Variants in HTR6 observed in about 807,000 individuals in gnomAD.
HTR6 encodes 5-hydroxytryptamine (serotonin) receptor 6, G protein-coupled.
Under a neutral mutation model 17.4 loss-of-function variants are expected in HTR6, and 15 were observed. The ratio of observed to expected loss-of-function variants is 0.86; its 90% CI spans 0.58 to 1.33. The LOEUF is 1.33. HTR6 is among the 40% of genes most tolerant of loss of function. The probability of loss-of-function intolerance (pLI) is 0.00; values close to 1 mark genes in which losing one functional copy is unlikely to be tolerated. For missense variants in HTR6, 578 were observed against 616.0 expected (o/e 0.94, Z 0.65); for synonymous variants, 326 against 295.5 (o/e 1.10, Z -1.06).
In HTR6 at chr1:19,666,111, A is replaced by C. The variant is rs768517982; in HGVS notation, c.358A>C (p.Ile120Leu). The change falls in exon 1 of 3, where the codon ATC becomes CTC. Residue 120 changes from isoleucine to leucine, a missense_variant. By Grantham distance (5) the Ile-to-Leu change is conservative. Coordinates refer to ENST00000289753, the MANE Select transcript of HTR6 (RefSeq NM_000871.3). The surrounding 1 kb of genome is among the most constrained non-coding windows in gnomAD (Gnocchi z 4.5). Reference protein sequence around the residue: ...CSASILNLCLISLDRYLLILS... With the variant: ...CSASILNLCLLSLDRYLLILS... ...CGCCTCCATCCTCAACCTCTGCCTC[A>C]TCAGCCTGGACCGCTACCTGCTCAT... is the stretch of plus-strand genomic sequence containing the variant. The C allele has an allele frequency of 1.2e-6, 2 of 1,612,402 alleles. No individual in the cohort carries two copies. Among genetic ancestry groups the C allele is most frequent in the African/African-American group, 2.7e-5 (2 of 74,918 alleles).
intron 1 of HTR6, among the ~76,000 whole-genome samples, chr1:19,676,965 G>A (rs987666527): frequency 1.3e-5 from 2 of 152,154 alleles, no homozygotes. Flanking sequence ...CACTGCCCAC[G>A]GGCATTAAAT....
In HTR6 at chr1:19,666,017, G is replaced by T. The variant is rs111648246; in HGVS notation, c.264G>T (p.Leu88=). 1.2e-6 allele frequency: 2 copies of T among 1,613,736 alleles called. No individual in the cohort carries two copies. Among genetic ancestry groups the T allele is most frequent in the Non-Finnish European group, 1.7e-6 (2 of 1,179,912 alleles). The part of the protein sequence containing the change: ...VVMPPAMLNA[L]YGRWVLARGL... ...TGCCGCCGGCCATGCTGAACGCGCT[G>T]TACGGGCGCTGGGTGCTGGCGCGCG... Residue 88 remains leucine (L), a synonymous_variant, in exon 1 of 3, where the codon CTG becomes CTT. Coordinates refer to ENST00000289753, the MANE Select transcript of HTR6 (RefSeq NM_000871.3). This position sits in a 1 kb window ranked among gnomAD's most constrained non-coding sequence, Gnocchi z 4.5.
At chr1:19,678,865 G>A in intron 2 of HTR6, 54 bp from the exon 3 acceptor site, 1 of 1,559,808 alleles carries the variant, frequency 6.4e-7, no homozygotes, top group South Asian at 1.2e-5. Context: ...ATGCTGGGAA[G>A]GGTGGCCTGG....
At position 19,665,130 on chromosome 1, in the gene HTR6, C is replaced by T. The variant is rs1292515800; in HGVS notation, c.-624C>T. Among the ~76,000 whole-genome samples, 1 of 151,710 alleles carries T rather than the reference C, an allele frequency of 6.6e-6. No homozygotes were observed. Among genetic ancestry groups the T allele is most frequent in the East Asian group, 1.9e-4 (1 of 5,148 alleles). ...CTCCTCTTCCCGCGGGGCCTGGCGG[C>T]CCCGGCGAACCCCCGCGCCGCACAG... On this transcript the variant is annotated 5_prime_UTR_variant, in exon 1 of 3. Coordinates refer to ENST00000289753, the MANE Select transcript of HTR6 (RefSeq NM_000871.3). This position sits in a 1 kb window ranked among gnomAD's most constrained non-coding sequence, Gnocchi z 4.2.
chr1:19,673,496 A>G (rs1446780957), intron 1 of HTR6, among the ~76,000 whole-genome samples: 1 of 152,108 alleles, frequency 6.6e-6, no homozygotes, highest in Non-Finnish European at 1.5e-5. Context: ...ATCACCTGAG[A>G]TCGGGAGTTT....
rs929957902 is a variant in HTR6 at position 19,680,411 on chromosome 1, C to A, written c.*1043C>A. ...GTGGGGACCCCATCTCTCAGGGACC[C>A]TCCCAGCTCCCAAGCTGCTGCCCTG... On this transcript the variant is annotated 3_prime_UTR_variant, in exon 3 of 3. Transcript: ENST00000289753. Among the ~76,000 whole-genome samples the A allele has an allele frequency of 1.3e-5, 2 of 152,208 alleles. No homozygotes were observed. The highest frequency in any genetic ancestry group is 4.8e-5 in the African/African-American group (2 of 41,450).
In HTR6 at chr1:19,665,632, G is replaced by A; in HGVS notation, c.-122G>A. The A allele has an allele frequency of 1.5e-6, 1 of 664,742 alleles. No homozygotes were observed. The highest frequency in any genetic ancestry group is 2.5e-6 in the Non-Finnish European group (1 of 403,390). 41.2% of individuals were successfully genotyped at this position (664,742 alleles called of 1,614,324 possible). A position where few individuals can be genotyped will look rare whatever the true frequency, so the allele number is the denominator to read the frequency against. On this transcript the variant is annotated 5_prime_UTR_variant, in exon 1 of 3. Transcript: ENST00000289753. The surrounding 1 kb of genome is among the most constrained non-coding windows in gnomAD (Gnocchi z 4.2). ...CCATGTCCCCCCACTCACCTCCCCCGGGGGGCGTGGTGAGTCGCGGTCTGT... is the reference window on the plus strand; with the variant it reads ...CCATGTCCCCCCACTCACCTCCCCCAGGGGGCGTGGTGAGTCGCGGTCTGT...
intron 2 of HTR6, 39 bp downstream of exon 2, chr1:19,678,764 C>A (rs372249233): frequency 6.9e-6 from 11 of 1,585,708 alleles, no homozygotes; most frequent in East Asian, 6.8e-5. Context: ...CCGGCCCTTG[C>A]AGGAGAGGCC....
Position 19,680,109 on chromosome 1 carries a change from C to T in HTR6, c.*741C>T, listed in dbSNP as rs760298480. ...CGAGTTATTTAACCTCTCCGAGCCT[C>T]GGTTATCCCATGTGTAAGGTAGAGA... On this transcript the variant is annotated 3_prime_UTR_variant, in exon 3 of 3. Transcript: ENST00000289753. 2.0e-5 allele frequency among the ~76,000 whole-genome samples: 3 copies of T among 152,178 alleles called. No homozygotes were observed. The highest frequency in any genetic ancestry group is 7.2e-5 in the African/African-American group (3 of 41,428).
Position 19,679,296 on chromosome 1 carries a change from C to T in HTR6, c.1251C>T (p.Ala417=), listed in dbSNP as rs6322. 3.4e-3 allele frequency: 5,462 copies of T among 1,608,264 alleles called. 154 individuals carry two copies. In the African/African-American group the frequency reaches 0.062, roughly 18 times the overall value. The change falls in exon 3 of 3, where the codon GCC becomes GCT. Residue 417 remains alanine, a synonymous_variant. Coordinates refer to ENST00000289753, the MANE Select transcript of HTR6 (RefSeq NM_000871.3). The surrounding 1 kb of genome is among the most constrained non-coding windows in gnomAD (Gnocchi z 4.9). ...DPPLPTRAAA[A]VNFFNIDPAE... is the part of the protein sequence containing the mutation. The stretch of plus-strand genomic sequence containing the variant: ...CGCTGCCCACCAGGGCCGCTGCCGC[C>T]GTCAATTTCTTCAACATCGACCCCG...
chr1:19,669,113 G>T (rs1167757302), intron 1 of HTR6, among the ~76,000 whole-genome samples: 1 of 152,186 alleles, frequency 6.6e-6, no homozygotes, highest in Non-Finnish European at 1.5e-5. Flanking sequence ...CACAGTTCAG[G>T]AAGCTCTGCT....
In HTR6 at chr1:19,665,071, C is replaced by T. The variant is rs2095079107; in HGVS notation, c.-683C>T. Among the ~76,000 whole-genome samples, 1 of 151,690 alleles carries T rather than the reference C, an allele frequency of 6.6e-6. No individual in the cohort carries two copies. The highest frequency in any genetic ancestry group is 2.1e-4 in the South Asian group (1 of 4,828). On this transcript the variant is annotated 5_prime_UTR_variant, in exon 1 of 3. Transcript: ENST00000289753. This position sits in a 1 kb window ranked among gnomAD's most constrained non-coding sequence, Gnocchi z 4.2. ...GCGGGAGACGGAGGCGACCCTGCTG[C>T]CGGGTGGGGAGGGGGCGCCGCGCGG...
At position 19,680,643 on chromosome 1, in the gene HTR6, A is replaced by T. The variant is rs2095101102; in HGVS notation, c.*1275A>T. ...TTGGGTCAGCAGAGTAGAGTCAAAGAGCTGTTCCTGGTGTGAGGTGGGGCC... is the reference window on the plus strand; with the variant it reads ...TTGGGTCAGCAGAGTAGAGTCAAAGTGCTGTTCCTGGTGTGAGGTGGGGCC... On this transcript the variant is annotated 3_prime_UTR_variant, in exon 3 of 3. Transcript: ENST00000289753. Among the ~76,000 whole-genome samples the T allele has an allele frequency of 6.6e-6, 1 of 152,090 alleles. No individual in the cohort carries two copies. Among genetic ancestry groups the T allele is most frequent in the East Asian group, 1.9e-4 (1 of 5,162 alleles).
chr1:19,674,056 T>C (rs2095091418), intron 1 of HTR6, among the ~76,000 whole-genome samples: 1 of 151,878 alleles, frequency 6.6e-6, no homozygotes, highest in East Asian at 1.9e-4. Context: ...TTTGTAGAGA[T>C]GGGGTTTCAC....
chr1:19,673,615 T>A (rs1204567013), intron 1 of HTR6, among the ~76,000 whole-genome samples: 3 of 152,140 alleles, frequency 2.0e-5, no homozygotes, highest in Non-Finnish European at 4.4e-5. Context: ...GGAGAATCGC[T>A]TGAACCCGGG....
At chr1:19,675,522 C>G (rs960821270) in intron 1 of HTR6, among the ~76,000 whole-genome samples, 4 of 152,054 alleles carry the variant, frequency 2.6e-5, no homozygotes, top group Admixed American at 2.0e-4. Context: ...AAAGAAAAAC[C>G]TGGAGTTGTT....
chr1:19,665,896 T>A lies in HTR6; in HGVS notation c.143T>A (p.Ile48Asn). ...ALTAAANSLLIALICTQPALR... is the reference protein window; with the variant it reads ...ALTAAANSLLNALICTQPALR... The stretch of plus-strand genomic sequence containing the variant: ...ACGGCGGCGGCCAACTCGCTGCTGA[T>A]CGCGCTCATCTGCACTCAGCCCGCG... Residue 48 changes from isoleucine to asparagine, a missense_variant, in exon 1 of 3, where the codon ATC becomes AAC. Coordinates refer to ENST00000289753, the MANE Select transcript of HTR6 (RefSeq NM_000871.3). This position sits in a 1 kb window ranked among gnomAD's most constrained non-coding sequence, Gnocchi z 4.2. 1 of 1,611,358 alleles carries A rather than the reference T, an allele frequency of 6.2e-7. No individual in the cohort carries two copies. Among genetic ancestry groups the A allele is most frequent in the Non-Finnish European group, 8.5e-7 (1 of 1,179,184 alleles).
rs758622864 is a variant in HTR6 at position 19,665,943 on chromosome 1, T to C, written c.190T>C (p.Phe64Leu). The C allele has an allele frequency of 6.2e-7, 1 of 1,613,806 alleles. No homozygotes were observed. Among genetic ancestry groups the C allele is most frequent in the South Asian group, 1.1e-5 (1 of 91,076 alleles). ...QPALRNTSNF[F>L]LVSLFTSDLM... is the part of the protein sequence containing the mutation. ...CGCGCTGCGCAACACGTCCAACTTC[T>C]TCCTGGTGTCGCTCTTCACGTCTGA... Residue 64 changes from phenylalanine (F) to leucine (L), a missense_variant, in exon 1 of 3, where the codon TTC (phenylalanine) becomes CTC (leucine). Transcript: ENST00000289753. This position sits in a 1 kb window ranked among gnomAD's most constrained non-coding sequence, Gnocchi z 4.2.
Position 19,665,746 on chromosome 1 carries a change from C to A in HTR6, c.-8C>A. 1.4e-6 allele frequency: 2 copies of A among 1,469,088 alleles called. No individual in the cohort carries two copies. The highest frequency in any genetic ancestry group is 1.8e-6 in the Non-Finnish European group (2 of 1,111,862). 91.0% of individuals were successfully genotyped at this position (1,469,088 alleles called of 1,614,324 possible). On this transcript the variant is annotated 5_prime_UTR_variant, in exon 1 of 3. Coordinates refer to ENST00000289753, the MANE Select transcript of HTR6 (RefSeq NM_000871.3). The surrounding 1 kb of genome is among the most constrained non-coding windows in gnomAD (Gnocchi z 4.2). The stretch of plus-strand genomic sequence containing the variant: ...CTATCACTCCCTTGCCGTCCACCCT[C>A]GGTCCTCATGGTCCCAGAGCCGGGC...
Sources: allele counts gnomAD v4.1 joint callset (sites outside exome capture counted in the v4.1 genomes callset), GRCh38; gene constraint gnomAD v4.1.1; non-coding constraint Gnocchi (gnomAD v3.1); transcripts MANE v1.5; gene names NCBI Gene and HGNC (gene_info 2026-07-23, HGNC 2026-07-21).